The following CBLB variants were observed in gnomAD, a reference collection of about 807,000 sequenced individuals.
CBLB encodes E3 ubiquitin-protein ligase CBL-B.
CBLB carries 31 observed loss-of-function variants against 104.9 expected under a neutral mutation model. The ratio of observed to expected loss-of-function variants is 0.30; its 90% confidence interval spans 0.22 to 0.40. The LOEUF (loss-of-function observed/expected upper bound fraction) is 0.40, where lower values mean the gene tolerates loss of function less well. Ranked by LOEUF, CBLB falls within the 10% of genes least tolerant of loss-of-function variation. The pLI, the probability that CBLB is intolerant of heterozygous loss-of-function variation, is 1.00. For missense variants in CBLB, 1,062 were observed against 1,214.6 expected, an observed-to-expected ratio of 0.87 and a Z score of 1.87; for synonymous variants, 440 against 422.6, an observed-to-expected ratio of 1.04 and a Z score of -0.51.
In CBLB at chr3:105,784,738, A is replaced by C. The variant is rs191461052; in HGVS notation, c.420-8196T>G. Among the ~76,000 whole-genome samples, 303 of 152,202 alleles carry C rather than the reference A, an allele frequency of 2.0e-3. 2 individuals carry two copies. Among genetic ancestry groups the C allele is most frequent in the African/African-American group, 7.1e-3 (294 of 41,532 alleles). ...GGAAAATCCTATTTCTACTTGTTACACCATTTTTATCACTTTTGACAAATC... is the reference window on the plus strand; with the variant it reads ...GGAAAATCCTATTTCTACTTGTTACCCCATTTTTATCACTTTTGACAAATC... On this transcript the variant is annotated intron_variant, in intron 3 of 18. Coordinates refer to ENST00000394030, the MANE Select transcript of CBLB (RefSeq NM_170662.5).
intron 3 of CBLB, among the ~76,000 whole-genome samples, chr3:105,799,504 T>C (rs1425088216): frequency 6.6e-6 from 1 of 152,286 alleles, no homozygotes. Flanking sequence ...AACACCCGCA[T>C]AACAAGCATT....
chr3:105,832,282 C>T (rs1396366878), intron 3 of CBLB, among the ~76,000 whole-genome samples: 2 of 152,090 alleles, frequency 1.3e-5, no homozygotes, highest in Non-Finnish European at 2.9e-5. Flanking sequence ...TAACATGAAT[C>T]AGGATAAATA....
intron 2 of CBLB, among the ~76,000 whole-genome samples, chr3:105,855,150 A>C (rs2091443059): frequency 6.6e-6 from 1 of 152,216 alleles, no homozygotes; most frequent in Non-Finnish European, 1.5e-5. Flanking sequence ...CAGGCAAAGA[A>C]AGAATATACT....
chr3:105,750,056 T>C (rs2076456517), intron 5 of CBLB, among the ~76,000 whole-genome samples: 1 of 151,894 alleles, frequency 6.6e-6, no homozygotes, highest in South Asian at 2.1e-4. Flanking sequence ...TCTTGCTCTG[T>C]TGCCCAGGCT....
chr3:105,843,830 T>C (rs1235023051), intron 3 of CBLB, among the ~76,000 whole-genome samples: 2 of 152,196 alleles, frequency 1.3e-5, no homozygotes, highest in Non-Finnish European at 2.9e-5. Context: ...CAAACCTCCA[T>C]GACATGTTCT....
At chr3:105,839,232 C>A (rs2153092397) in intron 3 of CBLB, among the ~76,000 whole-genome samples, 1 of 152,080 alleles carries the variant, frequency 6.6e-6, no homozygotes, top group South Asian at 2.1e-4. Context: ...TGCATCTGAT[C>A]CATGGAAAAT....
chr3:105,854,353 C>G (rs1162149698), intron 2 of CBLB, among the ~76,000 whole-genome samples: 1 of 152,164 alleles, frequency 6.6e-6, no homozygotes, highest in Non-Finnish European at 1.5e-5. Flanking sequence ...AGGTAGTAAT[C>G]CAACTAATGT....
At chr3:105,802,620 T>C (rs2083022094) in intron 3 of CBLB, among the ~76,000 whole-genome samples, 3 of 152,128 alleles carry the variant, frequency 2.0e-5, no homozygotes, top group Admixed American at 2.0e-4. Context: ...CCTATAAAAA[T>C]CATTTACTTG....
In CBLB at chr3:105,780,864, G is replaced by T. The variant is rs564798133; in HGVS notation, c.420-4322C>A. Among the ~76,000 whole-genome samples, 303 of 151,918 alleles carry T rather than the reference G, an allele frequency of 2.0e-3. 2 individuals are homozygous for T. The highest frequency in any genetic ancestry group is 7.1e-3 in the African/African-American group (294 of 41,452). ...GTTTTAGTAGAGACAGGGTTTCACC[G>T]TGTTAGCCAGGATGGTCTCAATCTC... is the stretch of plus-strand genomic sequence containing the variant. On this transcript the variant is annotated intron_variant, in intron 3 of 18. Transcript: ENST00000394030.
upstream of CBLB, chr3:105,869,055 G>C (rs536917905): frequency 1.0e-5 from 11 of 1,081,878 alleles, no homozygotes; most frequent in African/African-American, 1.9e-4. Flanking sequence ...CTCGGGGCGG[G>C]GCGGGGCGGG....
chr3:105,746,409 T>C (rs969369532), intron 5 of CBLB, among the ~76,000 whole-genome samples: 28 of 152,210 alleles, frequency 1.8e-4, no homozygotes, highest in Admixed American at 1.0e-3. Context: ...AGTCCTCATA[T>C]ATCACTTAGA....
chr3:105,811,786 A>C (rs1191989970), intron 3 of CBLB, among the ~76,000 whole-genome samples: 1 of 151,572 alleles, frequency 6.6e-6, no homozygotes, highest in Non-Finnish European at 1.5e-5. Context: ...CCCGGCTCAC[A>C]GCAACCTCCA....
At chr3:105,860,222 A>T (rs531802035) in intron 2 of CBLB, among the ~76,000 whole-genome samples, 1 of 152,342 alleles carries the variant, frequency 6.6e-6, no homozygotes, top group Non-Finnish European at 1.5e-5. Flanking sequence ...TTGATGGCAG[A>T]AAGGAGGAAG....
intron 3 of CBLB, among the ~76,000 whole-genome samples, chr3:105,816,205 A>T (rs1023844323): frequency 6.6e-6 from 1 of 152,080 alleles, no homozygotes; most frequent in African/African-American, 2.4e-5. Context: ...TATATTTTTT[A>T]AAAAAGAAAA....
At chr3:105,747,421 T>C (rs1256068124) in intron 5 of CBLB, among the ~76,000 whole-genome samples, 1 of 152,202 alleles carries the variant, frequency 6.6e-6, no homozygotes, top group Non-Finnish European at 1.5e-5. Flanking sequence ...TCTGCAAGGA[T>C]TATATCCCTT....
chr3:105,733,381 C>G (rs893458548), intron 9 of CBLB, among the ~76,000 whole-genome samples: 1 of 151,526 alleles, frequency 6.6e-6, no homozygotes, highest in African/African-American at 2.4e-5. Context: ...AAGGAAAGTC[C>G]TTGGGAAAAC....
At chr3:105,751,648 T>C (rs1240682280) in intron 4 of CBLB, 30 bp from the exon 5 acceptor site, 4 of 1,581,538 alleles carry the variant, frequency 2.5e-6, no homozygotes, top group East Asian at 2.2e-5. Context: ...AGGGAAATAA[T>C]TGAATCAAGT....
chr3:105,764,495 A>T (rs1205354376), intron 4 of CBLB, among the ~76,000 whole-genome samples: 1 of 152,196 alleles, frequency 6.6e-6, no homozygotes, highest in Non-Finnish European at 1.5e-5. Context: ...CATGTAAGAC[A>T]GCAAACTTAA....
chr3:105,666,077 G>A (rs1360353166), intron 18 of CBLB, among the ~76,000 whole-genome samples: 1 of 151,634 alleles, frequency 6.6e-6, no homozygotes, highest in Non-Finnish European at 1.5e-5. Flanking sequence ...AAAGCATCAG[G>A]ACTATAGTAA....
Sources: allele counts gnomAD v4.1 joint callset (sites outside exome capture counted in the v4.1 genomes callset), GRCh38; gene constraint gnomAD v4.1.1; transcripts MANE v1.5; gene names NCBI Gene and HGNC (gene_info 2026-07-23, HGNC 2026-07-21).